The following HMCN2 variants were observed in gnomAD, a reference collection of about 807,000 sequenced individuals.
HMCN2 encodes the protein hemicentin 2.
In HMCN2, 325 loss-of-function variants were observed where a neutral mutation model predicts 377.5. The observed-to-expected ratio is 0.86, with a 90% CI of 0.79 to 0.94. The LOEUF is 0.94. Ranked by LOEUF, HMCN2 falls within the 40% of genes least tolerant of loss-of-function variation. The probability of loss-of-function intolerance (pLI) is 0.00; values close to 1 mark genes in which losing one functional copy is unlikely to be tolerated. For missense variants in HMCN2, 4,543 were observed against 4,725.3 expected, an observed-to-expected ratio of 0.96 and a Z score of 1.13; for synonymous variants, 2,007 against 2,046.8, an observed-to-expected ratio of 0.98 and a Z score of 0.53.
At chr9:130,354,505 G>A (rs1409578790) in intron 31 of HMCN2, among the ~76,000 whole-genome samples, 2 of 152,222 alleles carry the variant, frequency 1.3e-5, no homozygotes, top group African/African-American at 4.8e-5. Context: ...TTCCACTCAT[G>A]CTGGGCTTGC....
intron 85 of HMCN2, 141 bp from the exon 86 acceptor site, chr9:130,418,631 G>T: frequency 1.7e-6 from 1 of 601,544 alleles, no homozygotes. Flanking sequence ...CAGGAACGAT[G>T]ACTGGGTGGA....
chr9:130,286,619 G>A (rs548009914), intron 4 of HMCN2, among the ~76,000 whole-genome samples: 1 of 152,238 alleles, frequency 6.6e-6, no homozygotes, highest in South Asian at 2.1e-4. Context: ...GGATGGCCTG[G>A]GTTCAGCAGT....
rs11381589 is a variant in HMCN2 at position 130,270,228 on chromosome 9, G to GTT, written c.259+4098_259+4099dup. On this transcript the variant is annotated intron_variant, in intron 1 of 97. Transcript: ENST00000683500. ...AAATGTTTATGTAGAGAAATCTATT[G>GTT]TTTTTTTTCTTTGTGATTTCTTCAC... Among the ~76,000 whole-genome samples, 47 of 142,412 alleles carry GTT rather than the reference G, an allele frequency of 3.3e-4. 1 individual carries two copies. The highest frequency in any genetic ancestry group is 1.8e-3 in the East Asian group (9 of 5,076). The allele number at this position is 142,412 out of a possible 152,430, so 93.4% of individuals were successfully genotyped here. A position where few individuals can be genotyped will look rare whatever the true frequency, so the allele number is the denominator to read the frequency against.
chr9:130,375,906 AGAAG>A lies in HMCN2; in HGVS notation c.7840_7843del (p.Glu2614MetfsTer17), dbSNP rs1841352199. 1.0e-6 allele frequency: 1 copy of A among 985,850 alleles called. No homozygotes were observed. Among genetic ancestry groups the A allele is most frequent in the Non-Finnish European group, 1.2e-6 (1 of 830,044 alleles). The allele number at this position is 985,850 out of a possible 1,614,324, so 61.1% of individuals were successfully genotyped here. On this transcript the variant is annotated frameshift_variant, in exon 51 of 98. Transcript: ENST00000683500. LOFTEE classifies it high-confidence loss of function. ...CACGGGCTGCAGATCCTGAATGCCC[AGAAG>A]GAAGATGCTGGCCAGTACACCTGCG...
chr9:130,407,687 A>G lies in HMCN2; in HGVS notation c.12670A>G (p.Ser4224Gly). 8.0e-7 allele frequency: 1 copy of G among 1,253,372 alleles called. No homozygotes were observed. The highest frequency in any genetic ancestry group is 1.0e-6 in the Non-Finnish European group (1 of 966,050). The allele number at this position is 1,253,372 out of a possible 1,614,324, so 77.6% of individuals were successfully genotyped here. Reference protein sequence around the residue: ...ENRVGRTQAVSFVHVKEAPVL... With the variant: ...ENRVGRTQAVGFVHVKEAPVL... ...CAGAGTGGGCCGCACGCAGGCGGTC[A>G]GCTTCGTCCACGTGAAGGGTAGGGC... Residue 4224 changes from serine (S) to glycine (G), a missense_variant, in exon 83 of 98, where the codon AGC becomes GGC. Coordinates refer to ENST00000683500, the MANE Select transcript of HMCN2 (RefSeq NM_001291815.2).
At position 130,294,040 on chromosome 9, in the gene HMCN2, C is replaced by A. The variant is rs372334577; in HGVS notation, c.613-815C>A. Among the ~76,000 whole-genome samples the A allele has an allele frequency of 4.6e-5, 7 of 152,142 alleles. No individual in the cohort carries two copies. The East Asian group carries it at 1.2e-3, about 25-fold the overall frequency. ...GCAGGGGGAGGCAGTGGCACAGTGA[C>A]CTTGGGTTGGCATAGGTGCCTAGGA... On this transcript the variant is annotated intron_variant, in intron 4 of 97. Coordinates refer to ENST00000683500, the MANE Select transcript of HMCN2 (RefSeq NM_001291815.2).
At chr9:130,337,441 G>A (rs1311315652) in intron 22 of HMCN2, among the ~76,000 whole-genome samples, 4 of 152,262 alleles carry the variant, frequency 2.6e-5, no homozygotes, top group African/African-American at 9.6e-5. Context: ...GTGTGTGGCA[G>A]AGGAGGGGGA....
At chr9:130,327,046 A>T (rs952657281) in intron 21 of HMCN2, among the ~76,000 whole-genome samples, 60 of 145,190 alleles carry the variant, frequency 4.1e-4, no homozygotes, top group African/African-American at 1.4e-3. Context: ...ACCGTAGGGC[A>T]GGAGGGACCG....
At chr9:130,357,752 C>T (rs1840119031) in intron 34 of HMCN2, 82 bp from the exon 35 acceptor site, 1 of 1,104,740 alleles carries the variant, frequency 9.1e-7, no homozygotes, top group African/African-American at 1.6e-5. Flanking sequence ...TTCTCACCCC[C>T]AGGCATCGAG....
At chr9:130,355,689 G>C (rs896256917) in intron 32 of HMCN2, 57 bp from the exon 33 acceptor site, 14 of 1,031,018 alleles carry the variant, frequency 1.4e-5, no homozygotes, top group Non-Finnish European at 1.9e-5. Flanking sequence ...GACTTGGGAG[G>C]GTTTGAGGCC....
Position 130,306,131 on chromosome 9 carries a change from GC to G in HMCN2, c.1823del (p.Pro608HisfsTer18). On this transcript the variant is annotated frameshift_variant, in exon 12 of 98. Coordinates refer to ENST00000683500, the MANE Select transcript of HMCN2 (RefSeq NM_001291815.2). LOFTEE classifies it high-confidence loss of function. ...CCTATCCACTTTTTGGGTCACAGAG[GC>G]CCCACAGGTCAGCATCCACACCAGC... ...RASVWLLVRE[A>X]PQVSIHTSSQ... is the part of the protein sequence containing the mutation. 2.1e-6 allele frequency: 1 copy of G among 471,028 alleles called. No individual in the cohort carries two copies. Among genetic ancestry groups the G allele is most frequent in the Non-Finnish European group, 4.4e-6 (1 of 226,990 alleles). 29.2% of individuals were successfully genotyped at this position (471,028 alleles called of 1,614,324 possible).
rs760980251 is a variant in HMCN2, at chr9:130,402,862, C to T, written c.11844C>T (p.Gly3948=). ...RYTCSARNSA[G]VAHKHVFLTV... ...CCTGCTCAGCCCGCAACTCTGCCGGCGTAGCCCACAAGCACGTCTTCCTCA... is the reference window on the plus strand; with the variant it reads ...CCTGCTCAGCCCGCAACTCTGCCGGTGTAGCCCACAAGCACGTCTTCCTCA... Residue 3948 remains glycine, a synonymous_variant, in exon 78 of 98, where the codon GGC becomes GGT. Coordinates refer to ENST00000683500, the MANE Select transcript of HMCN2 (RefSeq NM_001291815.2). 6.6e-5 allele frequency: 85 copies of T among 1,289,776 alleles called. No homozygotes were observed. In the East Asian group the frequency reaches 8.3e-4, roughly 13 times the overall value. The allele number at this position is 1,289,776 out of a possible 1,614,324, so 79.9% of individuals were successfully genotyped here. A position where few individuals can be genotyped will look rare whatever the true frequency, so the allele number is the denominator to read the frequency against.
intron 32 of HMCN2, 96 bp downstream of exon 32, chr9:130,355,140 G>T: frequency 9.7e-7 from 1 of 1,028,906 alleles, no homozygotes; most frequent in South Asian, 1.6e-5. Flanking sequence ...GGAGTGGAGG[G>T]AGGGTGGGGA....
intron 23 of HMCN2, among the ~76,000 whole-genome samples, chr9:130,339,649 A>G (rs1273958856): frequency 6.6e-6 from 1 of 152,120 alleles, no homozygotes; most frequent in Non-Finnish European, 1.5e-5. Flanking sequence ...AGCCCATCCC[A>G]TTGTGGGCAT....
At chr9:130,380,302 CA>C (rs1294789924) in intron 54 of HMCN2, among the ~76,000 whole-genome samples, 8 of 151,966 alleles carry the variant, frequency 5.3e-5, no homozygotes, top group Non-Finnish European at 1.5e-5. Context: ...TAAAAGGCTC[CA>C]GGGGTGGGGC....
At position 130,394,599 on chromosome 9, in the gene HMCN2, C is replaced by T. The variant is rs529775649; in HGVS notation, c.10692+24C>T. 25 of 1,265,712 alleles carry T rather than the reference C, an allele frequency of 2.0e-5. No homozygotes were observed. The African/African-American group carries it at 2.9e-4, about 15-fold the overall frequency. The allele number at this position is 1,265,712 out of a possible 1,614,324, so 78.4% of individuals were successfully genotyped here. A position where few individuals can be genotyped will look rare whatever the true frequency, so the allele number is the denominator to read the frequency against. On this transcript the variant is annotated intron_variant, in intron 69 of 97. Coordinates refer to ENST00000683500, the MANE Select transcript of HMCN2 (RefSeq NM_001291815.2). The surrounding 1 kb of genome is among the most constrained non-coding windows in gnomAD (Gnocchi z 5.1). ...AGGTACCAGTGCCGCCGCCATGGGG[C>T]GAGGCTGGGGGTTGGGGGAGAGGGG...
chr9:130,422,021 G>T lies in HMCN2; in HGVS notation c.13232-556G>T, dbSNP rs971134996. ...TGTGCCTGCATCATCCGTTTGATTA[G>T]CGCTAAAGAGCATCTGCTCACAGAT... On this transcript the variant is annotated intron_variant, in intron 86 of 97. Coordinates refer to ENST00000683500, the MANE Select transcript of HMCN2 (RefSeq NM_001291815.2). The surrounding 1 kb of genome is among the most constrained non-coding windows in gnomAD (Gnocchi z 4.2). Among the ~76,000 whole-genome samples the T allele has an allele frequency of 2.6e-5, 4 of 152,230 alleles. No individual in the cohort carries two copies. Among genetic ancestry groups the T allele is most frequent in the African/African-American group, 9.6e-5 (4 of 41,460 alleles).
At chr9:130,322,334 CTAT>C (rs1588240147) in intron 19 of HMCN2, among the ~76,000 whole-genome samples, 385 of 121,152 alleles carry the variant, frequency 3.2e-3, no homozygotes, top group East Asian at 0.01. Flanking sequence ...ATCTATCTAT[CTAT>C]CTATCCATCT....
intron 61 of HMCN2, among the ~76,000 whole-genome samples, chr9:130,387,087 G>A (rs565045923): frequency 9.0e-4 from 137 of 152,358 alleles, no homozygotes; most frequent in Non-Finnish European, 1.6e-3. Context: ...AGGAGGCCAC[G>A]TTACCTGCAT....
Sources: gnomAD v4.1 joint callset for allele counts (sites outside exome capture counted in the v4.1 genomes callset) on GRCh38, gnomAD v4.1.1 for gene constraint, Gnocchi (gnomAD v3.1) non-coding constraint, MANE v1.5 for transcripts, NCBI Gene and HGNC (gene_info 2026-07-23, HGNC 2026-07-21) for gene names.